The following CAPN15 variants were observed in gnomAD, a reference collection of about 807,000 sequenced individuals.
CAPN15 encodes the protein calpain-15.
In CAPN15, 53 loss-of-function variants were observed where a neutral mutation model predicts 97.9. That is an observed-to-expected ratio of 0.54 (90% CI 0.43 to 0.68). The LOEUF (loss-of-function observed/expected upper bound fraction) is 0.68. Ranked by LOEUF, CAPN15 falls within the 30% of genes least tolerant of loss-of-function variation. The pLI, the probability that CAPN15 is intolerant of heterozygous loss-of-function variation, is 0.00. For missense variants in CAPN15, 1,592 were observed against 1,589.8 expected, an observed-to-expected ratio of 1.00 and a Z score of -0.02; for synonymous variants, 922 against 722.5, an observed-to-expected ratio of 1.28 and a Z score of -4.43.
chr16:540,058 G>C (rs183293520), intron 3 of CAPN15: 116 of 983,898 alleles, frequency 1.2e-4, no homozygotes, highest in Admixed American at 1.8e-4. Flanking sequence ...TTCTCTCTCT[G>C]TCTGTTTATT....
chr16:528,830 CT>C (rs2033037183), intron 1 of CAPN15: 1 of 909,858 alleles, frequency 1.1e-6, no homozygotes, highest in Non-Finnish European at 1.3e-6. Context: ...GAGTTGTGTG[CT>C]TCTCCTTCGG....
chr16:552,528 A>G lies in CAPN15; in HGVS notation c.2735A>G (p.Gln912Arg), dbSNP rs746052503. ...GPPLPGTPAP[Q>R]ASSPSAGVPR... ...CCCCTGCCGGGCACCCCTGCCCCCC[A>G]GGGTACGTGGCCCCTACCCCAGGCT... Residue 912 changes from glutamine to arginine, a missense_variant and splice_region_variant, in exon 11 of 14, where the codon CAG (glutamine) becomes CGG (arginine). This residue lies in a region of CAPN15 where 644 missense variants were observed against 699.6 expected (regional missense o/e 0.92). Coordinates refer to ENST00000219611, the MANE Select transcript of CAPN15 (RefSeq NM_005632.3). The surrounding 1 kb of genome is among the most constrained non-coding windows in gnomAD (Gnocchi z 6.4). 2.5e-6 allele frequency: 4 copies of G among 1,597,748 alleles called. No homozygotes were observed. The highest frequency in any genetic ancestry group is 1.1e-5 in the South Asian group (1 of 90,372).
Position 547,592 on chromosome 16 carries a change from C to T in CAPN15, c.754C>T (p.Pro252Ser). 6.4e-7 allele frequency: 1 copy of T among 1,573,028 alleles called. No individual in the cohort carries two copies. ...CGTGCCGCGCAGCCGACGCGAGGTT[C>T]CCCCCCAGCTGCAGCCACCGGTGCC... Reference protein sequence around the residue: ...NPVPRSRREVPPQLQPPVPEA... With the variant: ...NPVPRSRREVSPQLQPPVPEA... Residue 252 changes from proline (P) to serine (S), a missense_variant, in exon 4 of 14, where the codon CCC (proline) becomes TCC (serine). By Grantham distance (74) the Pro-to-Ser change is moderately conservative. Transcript: ENST00000219611.
At chr16:536,188 G>A (rs2033705920) in intron 3 of CAPN15, 46 bp downstream of exon 3, 4 of 539,730 alleles carry the variant, frequency 7.4e-6, no homozygotes, top group Non-Finnish European at 9.5e-6. Flanking sequence ...AGCAGGCCCT[G>A]TCCCTGCTGT....
At chr16:544,485 G>A (rs1042071009) in intron 3 of CAPN15, among the ~76,000 whole-genome samples, 1 of 152,094 alleles carries the variant, frequency 6.6e-6, no homozygotes, top group Admixed American at 6.5e-5. Flanking sequence ...CGGCCTCCAC[G>A]CTCCGGGTGC....
chr16:543,918 C>G (rs564847206), intron 3 of CAPN15, among the ~76,000 whole-genome samples: 43 of 152,336 alleles, frequency 2.8e-4, no homozygotes, highest in Non-Finnish European at 4.9e-4. Flanking sequence ...ACCGCTCCCC[C>G]ACATGGATGA....
intron 3 of CAPN15, chr16:537,112 G>A (rs2033789902): frequency 1.0e-6 from 1 of 984,754 alleles, no homozygotes; most frequent in Admixed American, 6.1e-5. Context: ...TCTGTGACAG[G>A]GACGTTTGCT....
intron 1 of CAPN15, among the ~76,000 whole-genome samples, chr16:531,701 C>T (rs537247559): frequency 1.4e-5 from 2 of 147,746 alleles, no homozygotes; most frequent in East Asian, 1.9e-4. Context: ...CAGGGCCACA[C>T]GGCTCCCAAG....
chr16:534,400 A>T (rs1277546352), intron 2 of CAPN15, among the ~76,000 whole-genome samples: 1 of 152,212 alleles, frequency 6.6e-6, no homozygotes, highest in East Asian at 1.9e-4. Flanking sequence ...AGCGGCCTGC[A>T]CCTGTTTCTG....
In CAPN15 at chr16:548,178, G is replaced by T; in HGVS notation, c.1340G>T (p.Gly447Val). Reference protein sequence around the residue: ...TPQLLVAQRRGAAPLRRRESM... With the variant: ...TPQLLVAQRRVAAPLRRRESM... ...CAGCTCCTGGTGGCCCAGCGGCGGG[G>T]GGCCGCGCCCCTGAGGCGCAGGGAG... is the stretch of plus-strand genomic sequence containing the variant. Residue 447 changes from glycine to valine, a missense_variant, in exon 4 of 14, where the codon GGG (glycine) becomes GTG (valine). This residue lies in a region of CAPN15 where 883 missense variants were observed against 776.6 expected (regional missense o/e 1.14). Coordinates refer to ENST00000219611, the MANE Select transcript of CAPN15 (RefSeq NM_005632.3). 6.5e-7 allele frequency: 1 copy of T among 1,532,282 alleles called. No individual in the cohort carries two copies. The highest frequency in any genetic ancestry group is 8.8e-7 in the Non-Finnish European group (1 of 1,140,558). 94.9% of individuals were successfully genotyped at this position (1,532,282 alleles called of 1,614,324 possible). A position where few individuals can be genotyped will look rare whatever the true frequency, so the allele number is the denominator to read the frequency against.
In CAPN15 at chr16:549,035, G is replaced by A. The variant is rs760086378; in HGVS notation, c.1492G>A (p.Glu498Lys). The change falls in exon 5 of 14, where the codon GAG becomes AAG. Residue 498 changes from glutamate to lysine, a missense_variant. Physicochemically the swap from Glu to Lys is moderately conservative, Grantham distance 56 (BLOSUM62 1). This residue lies in a region of CAPN15 where 883 missense variants were observed against 776.6 expected (regional missense o/e 1.14). Coordinates refer to ENST00000219611, the MANE Select transcript of CAPN15 (RefSeq NM_005632.3). ...GGATGACAGCTTCCCTCCCGGGCCC[G>A]AGTCTGTCGGCTTCCCCGCGGGTGA... is the stretch of plus-strand genomic sequence containing the variant. ...FVDDSFPPGP[E>K]SVGFPAGDSV... 3.1e-5 allele frequency: 50 copies of A among 1,612,750 alleles called. No homozygotes were observed. Among genetic ancestry groups the A allele is most frequent in the African/African-American group, 4.0e-5 (3 of 75,062 alleles).
chr16:551,685 T>C (rs1415311929), intron 9 of CAPN15, 21 bp downstream of exon 9: 18 of 1,581,186 alleles, frequency 1.1e-5, no homozygotes, highest in Non-Finnish European at 1.5e-5. Context: ...CGTGGGGCGG[T>C]GTGCACGCCG....
chr16:552,475 G>T lies in CAPN15; in HGVS notation c.2682G>T (p.Val894=). The stretch of plus-strand genomic sequence containing the variant: ...TGGAGCCTGGCGAGTACGCTGTGGT[G>T]TGCTGCGCCTTCAACCACTGGGGGC... ...VMLEPGEYAV[V]CCAFNHWGPP... Residue 894 remains valine (V), a synonymous_variant, in exon 11 of 14, where the codon GTG becomes GTT. Transcript: ENST00000219611. The surrounding 1 kb of genome is among the most constrained non-coding windows in gnomAD (Gnocchi z 6.4). 1.8e-5 allele frequency: 29 copies of T among 1,609,050 alleles called. No homozygotes were observed. Among genetic ancestry groups the T allele is most frequent in the Non-Finnish European group, 2.5e-5 (29 of 1,179,602 alleles).
intron 1 of CAPN15, among the ~76,000 whole-genome samples, chr16:529,388 C>T (rs1238752324): frequency 6.6e-6 from 1 of 152,208 alleles, no homozygotes; most frequent in Non-Finnish European, 1.5e-5. Flanking sequence ...TCACTTGCTT[C>T]TTGCCCTGGC....
Position 552,190 on chromosome 16 carries a change from G to A in CAPN15, c.2485G>A (p.Ala829Thr), listed in dbSNP as rs371241391. Residue 829 changes from alanine to threonine, a missense_variant, in exon 10 of 14, where the codon GCG becomes ACG. By Grantham distance (58) the Ala-to-Thr change is moderately conservative. Coordinates refer to ENST00000219611, the MANE Select transcript of CAPN15 (RefSeq NM_005632.3). This position sits in a 1 kb window ranked among gnomAD's most constrained non-coding sequence, Gnocchi z 6.4. ...TVLERASLEF[A>T]LFQEGSRRSD... is the part of the protein sequence containing the mutation. ...GCTGGAGCGGGCCTCGCTGGAGTTC[G>A]CGCTCTTCCAGGAGGGCAGCAGGTG... The A allele has an allele frequency of 3.8e-5, 58 of 1,536,250 alleles. No homozygotes were observed. The highest frequency in any genetic ancestry group is 3.9e-4 in the Middle Eastern group (2 of 5,118).
At chr16:551,478 G>C (rs372586348) in intron 8 of CAPN15, 34 bp from the exon 9 acceptor site, 6 of 1,602,454 alleles carry the variant, frequency 3.7e-6, no homozygotes, top group African/African-American at 2.7e-5. Context: ...GACTCGGGCA[G>C]TGTGGTTCAG....
At position 552,883 on chromosome 16, in the gene CAPN15, C is replaced by G; in HGVS notation, c.2925C>G (p.Cys975Trp). The change falls in exon 13 of 14, where the codon TGC (cysteine) becomes TGG (tryptophan). Residue 975 changes from cysteine to tryptophan, a missense_variant. Cys to Trp is a radical substitution (Grantham distance 215, BLOSUM62 -2). Transcript: ENST00000219611. This position sits in a 1 kb window ranked among gnomAD's most constrained non-coding sequence, Gnocchi z 6.4. Reference sequence around the variant, plus strand: ...CCCAGGGCCGTGAGGGCATGACCTGCTACTACCTGACACACGGTTGGGCGG... The same window carrying G: ...CCCAGGGCCGTGAGGGCATGACCTGGTACTACCTGACACACGGTTGGGCGG... ...ERHEGREGMT[C>W]YYLTHGWAGL... 6.2e-7 allele frequency: 1 copy of G among 1,608,142 alleles called. No individual in the cohort carries two copies. Among genetic ancestry groups the G allele is most frequent in the Non-Finnish European group, 8.5e-7 (1 of 1,177,176 alleles).
Position 553,446 on chromosome 16 carries a change from C to T in CAPN15, c.3191C>T (p.Ala1064Val), listed in dbSNP as rs1007561610. The stretch of plus-strand genomic sequence containing the variant: ...CAGGCCTTCCTCAGTGACTGGACAG[C>T]CTCCAAGGGGACCCACAGCCCCCCA... ...AAQAFLSDWT[A>V]SKGTHSPPLT... is the part of the protein sequence containing the mutation. The change falls in exon 14 of 14, where the codon GCC becomes GTC. Residue 1064 changes from alanine (A) to valine (V), a missense_variant. Around this residue, in one of 3 missense-constraint regions of CAPN15, gnomAD observed 644 missense variants for 699.6 expected, o/e 0.92. Coordinates refer to ENST00000219611, the MANE Select transcript of CAPN15 (RefSeq NM_005632.3). 3 of 1,611,390 alleles carry T rather than the reference C, an allele frequency of 1.9e-6. No homozygotes were observed. Among genetic ancestry groups the T allele is most frequent in the Non-Finnish European group, 2.5e-6 (3 of 1,179,360 alleles).
intron 2 of CAPN15, among the ~76,000 whole-genome samples, chr16:534,963 GGA>G (rs2033595439): frequency 2.0e-5 from 3 of 152,200 alleles, no homozygotes; most frequent in Middle Eastern, 3.2e-3. Context: ...GCGGGGCAGG[GGA>G]GGGCTCGGGG....
Sources: allele counts gnomAD v4.1 joint callset (sites outside exome capture counted in the v4.1 genomes callset), GRCh38; gene constraint gnomAD v4.1.1; regional missense constraint gnomAD v4.1.1; non-coding constraint Gnocchi (gnomAD v3.1); transcripts MANE v1.5; gene names NCBI Gene and HGNC (gene_info 2026-07-23, HGNC 2026-07-21).